Variants in SGPP2 observed in about 807,000 individuals in gnomAD.
SGPP2 encodes the protein sphingosine 1-phosphate phosphohydrolase 2.
Under a neutral mutation model 33.9 loss-of-function variants are expected in SGPP2, and 30 were observed. The observed-to-expected ratio is 0.89, with a 90% CI of 0.66 to 1.20. SGPP2 has a LOEUF of 1.20. SGPP2 is among the 50% of genes most tolerant of loss of function. SGPP2 has a pLI of 0.00. For synonymous variants in SGPP2, 233 were observed against 225.0 expected, an observed-to-expected ratio of 1.04 and a Z score of -0.32; for missense variants, 458 against 532.1, an observed-to-expected ratio of 0.86 and a Z score of 1.37.
intron 4 of SGPP2, among the ~76,000 whole-genome samples, chr2:222,547,881 A>AT: frequency 6.6e-6 from 1 of 152,302 alleles, no homozygotes; most frequent in African/African-American, 2.4e-5. Context: ...TATAAAATGA[A>AT]TATGTGTGAA....
At chr2:222,482,943 A>G (rs1178314584) in intron 2 of SGPP2, among the ~76,000 whole-genome samples, 1 of 152,208 alleles carries the variant, frequency 6.6e-6, no homozygotes, top group Non-Finnish European at 1.5e-5. Context: ...TCAGAGTGAA[A>G]GGACCCAGCT....
rs1046091526 is a variant in SGPP2, at chr2:222,424,638, G to C, written c.36G>C (p.Gln12His). The C allele has an allele frequency of 7.0e-7, 1 of 1,424,368 alleles. No homozygotes were observed. The highest frequency in any genetic ancestry group is 9.2e-7 in the Non-Finnish European group (1 of 1,086,988). The allele number at this position is 1,424,368 out of a possible 1,614,324, so 88.2% of individuals were successfully genotyped here. ...AELLRSLQDS[Q>H]LVARFQRRCG... ...TGCTGCGGAGCCTGCAGGATTCCCA[G>C]CTCGTCGCCCGCTTCCAGCGCCGCT... Residue 12 changes from glutamine to histidine, a missense_variant, in exon 1 of 5, where the codon CAG (glutamine) becomes CAC (histidine). Physicochemically the swap from Gln to His is conservative, Grantham distance 24. Coordinates refer to ENST00000321276, the MANE Select transcript of SGPP2 (RefSeq NM_152386.4).
intron 4 of SGPP2, among the ~76,000 whole-genome samples, chr2:222,554,248 T>G (rs1038045486): frequency 6.6e-6 from 1 of 152,226 alleles, no homozygotes; most frequent in Non-Finnish European, 1.5e-5. Flanking sequence ...CTTTTAAAAA[T>G]GGAAATGGTA....
intron 1 of SGPP2, chr2:222,452,305 A>C (rs776034157): frequency 1.4e-5 from 8 of 588,386 alleles, no homozygotes; most frequent in Non-Finnish European, 2.5e-5. Context: ...TGTGGTTTCC[A>C]AAAAAGAAAA....
intron 2 of SGPP2, among the ~76,000 whole-genome samples, chr2:222,521,035 T>A (rs966243005): frequency 6.6e-6 from 1 of 152,224 alleles, no homozygotes; most frequent in African/African-American, 2.4e-5. Context: ...GTTGGGATTA[T>A]AGGCATTAGC....
chr2:222,466,655 C>G (rs1697750869), intron 1 of SGPP2, among the ~76,000 whole-genome samples: 1 of 152,110 alleles, frequency 6.6e-6, no homozygotes, highest in Non-Finnish European at 1.5e-5. Flanking sequence ...TGCAAAAGCC[C>G]TTCTTAGGGA....
intron 2 of SGPP2, among the ~76,000 whole-genome samples, chr2:222,479,944 C>T (rs1177659576): frequency 6.6e-6 from 1 of 152,160 alleles, no homozygotes; most frequent in Non-Finnish European, 1.5e-5. Context: ...TCTCCTCTGT[C>T]CTGTATCAAG....
chr2:222,526,001 T>C (rs1475793401), intron 4 of SGPP2, among the ~76,000 whole-genome samples: 1 of 152,176 alleles, frequency 6.6e-6, no homozygotes, highest in African/African-American at 2.4e-5. Flanking sequence ...AGGGGGTTTA[T>C]GGCTTCCCAA....
At chr2:222,485,142 A>T (rs1399677204) in intron 2 of SGPP2, among the ~76,000 whole-genome samples, 1 of 152,094 alleles carries the variant, frequency 6.6e-6, no homozygotes, top group African/African-American at 2.4e-5. Context: ...TCTAAACCCC[A>T]TCCATTCTTT....
At position 222,476,564 on chromosome 2, in the gene SGPP2, G is replaced by T. The variant is rs546192100; in HGVS notation, c.378+1838G>T. Among the ~76,000 whole-genome samples the T allele has an allele frequency of 6.6e-6, 1 of 152,240 alleles. No individual in the cohort carries two copies. Among genetic ancestry groups the T allele is most frequent in the African/African-American group, 2.4e-5 (1 of 41,532 alleles). ...GGCCACTTCTGTGTCCACGGAGCAG[G>T]CAGGATGGGGGCAGGAGAGAGAGAA... On this transcript the variant is annotated intron_variant, in intron 2 of 4. Transcript: ENST00000321276. The surrounding 1 kb of genome is among the most constrained non-coding windows in gnomAD (Gnocchi z 4.3).
At chr2:222,426,055 A>AG (rs939631273) in intron 1 of SGPP2, among the ~76,000 whole-genome samples, 1 of 151,730 alleles carries the variant, frequency 6.6e-6, no homozygotes, top group African/African-American at 2.4e-5. Flanking sequence ...GGGGCAGAGT[A>AG]GGGGGGATAA....
chr2:222,435,042 A>ATATATACACATATATATATGTGTG (rs1559142664), intron 1 of SGPP2, among the ~76,000 whole-genome samples: 26 of 147,268 alleles, frequency 1.8e-4, no homozygotes, highest in Admixed American at 1.4e-3. Flanking sequence ...ATATATGTGT[A>ATATATACACATATATATATGTGTG]TATATATACA....
At chr2:222,512,972 GTTAA>G (rs1471274190) in intron 2 of SGPP2, among the ~76,000 whole-genome samples, 2 of 152,184 alleles carry the variant, frequency 1.3e-5, no homozygotes, top group Non-Finnish European at 2.9e-5. Flanking sequence ...TAAGTTTTCA[GTTAA>G]CTTGGATGAA....
intron 4 of SGPP2, among the ~76,000 whole-genome samples, chr2:222,536,642 T>C (rs1010393405): frequency 1.3e-5 from 2 of 152,074 alleles, no homozygotes; most frequent in Non-Finnish European, 2.9e-5. Flanking sequence ...ATCGCGCCAC[T>C]GCACTCCTGC....
intron 1 of SGPP2, among the ~76,000 whole-genome samples, chr2:222,471,467 C>G (rs1361290574): frequency 6.6e-6 from 1 of 151,990 alleles, no homozygotes; most frequent in Non-Finnish European, 1.5e-5. Flanking sequence ...CTTTTTAAGG[C>G]CTTAAATACA....
chr2:222,461,488 C>T (rs1287752209), intron 1 of SGPP2, among the ~76,000 whole-genome samples: 3 of 151,986 alleles, frequency 2.0e-5, no homozygotes, highest in South Asian at 4.2e-4. Flanking sequence ...CTTTATTGTG[C>T]ACTTTATTTC....
At chr2:222,468,115 T>G (rs1277069948) in intron 1 of SGPP2, among the ~76,000 whole-genome samples, 4 of 151,976 alleles carry the variant, frequency 2.6e-5, no homozygotes, top group Non-Finnish European at 4.4e-5. Context: ...GAAGATGATA[T>G]CTGGCGTCTG....
At chr2:222,555,017 C>T (rs1689364602) in intron 4 of SGPP2, among the ~76,000 whole-genome samples, 2 of 152,124 alleles carry the variant, frequency 1.3e-5, no homozygotes, top group South Asian at 4.1e-4. Flanking sequence ...CAACATCCCC[C>T]CCACCCTGAA....
At chr2:222,463,988 G>A (rs1697705068) in intron 1 of SGPP2, among the ~76,000 whole-genome samples, 4 of 152,124 alleles carry the variant, frequency 2.6e-5, no homozygotes, top group Admixed American at 2.6e-4. Flanking sequence ...GGGGTGAGGG[G>A]AAATGCCTGG....
Sources: allele counts gnomAD v4.1 joint callset (sites outside exome capture counted in the v4.1 genomes callset), GRCh38; gene constraint gnomAD v4.1.1; non-coding constraint Gnocchi (gnomAD v3.1); transcripts MANE v1.5; gene names NCBI Gene and HGNC (gene_info 2026-07-23, HGNC 2026-07-21).